The following RTN4RL1 variants were observed in gnomAD, a reference collection of about 807,000 sequenced individuals.
RTN4RL1 encodes reticulon 4 receptor like 1.
In RTN4RL1, 7 loss-of-function variants were observed where a neutral mutation model predicts 25.6. The observed-to-expected ratio is 0.27, with a 90% CI of 0.16 to 0.51. The LOEUF is 0.51. Among genes scored for constraint, RTN4RL1 ranks in the 20% least tolerant of loss-of-function variants. The pLI, the probability that RTN4RL1 is intolerant of heterozygous loss-of-function variation, is 0.97. For missense variants in RTN4RL1, 500 were observed against 615.6 expected, an observed-to-expected ratio of 0.81 and a Z score of 1.99; for synonymous variants, 297 against 288.2, an observed-to-expected ratio of 1.03 and a Z score of -0.31.
chr17:2,024,859 G>A lies in RTN4RL1; in HGVS notation c.7C>T (p.Arg3Cys), dbSNP rs1394502457. MLRKGCCVELLLL... is the reference protein window; with the variant it reads MLCKGCCVELLLL... The stretch of plus-strand genomic sequence containing the variant: ...CCCTGCGGCTCCAACTCACCTTTGC[G>A]AAGCATGTTGGCCACGGGGCCGCCG... The change falls in exon 1 of 2, where the codon CGC (arginine) becomes TGC (cysteine). Residue 3 changes from arginine (R) to cysteine (C), a missense_variant. Coordinates refer to ENST00000331238, the MANE Select transcript of RTN4RL1 (RefSeq NM_178568.4). The A allele has an allele frequency of 1.3e-6, 2 of 1,584,744 alleles. No homozygotes were observed. Among genetic ancestry groups the A allele is most frequent in the Non-Finnish European group, 1.7e-6 (2 of 1,166,530 alleles).
chr17:1,945,269 CTGG>C (rs1915513390), intron 1 of RTN4RL1, among the ~76,000 whole-genome samples: 4 of 152,270 alleles, frequency 2.6e-5, no homozygotes, highest in South Asian at 2.1e-4. Context: ...ATCACCCAGG[CTGG>C]AGTGCAGTGG....
chr17:2,015,345 A>T (rs2067106608), intron 1 of RTN4RL1, among the ~76,000 whole-genome samples: 1 of 152,170 alleles, frequency 6.6e-6, no homozygotes, highest in Non-Finnish European at 1.5e-5. Flanking sequence ...CAATGAGGGC[A>T]CTGGGGGTCG....
In RTN4RL1 at chr17:1,998,359, C is replaced by T. The variant is rs2066939608; in HGVS notation, c.13+26494G>A. 6.6e-6 allele frequency among the ~76,000 whole-genome samples: 1 copy of T among 152,110 alleles called. No homozygotes were observed. Among genetic ancestry groups the T allele is most frequent in the Non-Finnish European group, 1.5e-5 (1 of 68,000 alleles). The stretch of plus-strand genomic sequence containing the variant: ...CCGGGAGGGTCTTCTCGCTCTAGAG[C>T]CGGGGGCCCGCGCTGAGAGATCGGG... On this transcript the variant is annotated intron_variant, in intron 1 of 1. Coordinates refer to ENST00000331238, the MANE Select transcript of RTN4RL1 (RefSeq NM_178568.4). This position sits in a 1 kb window ranked among gnomAD's most constrained non-coding sequence, Gnocchi z 4.9.
intron 1 of RTN4RL1, among the ~76,000 whole-genome samples, chr17:1,942,402 T>TG (rs1331877688): frequency 6.7e-6 from 1 of 148,832 alleles, no homozygotes; most frequent in Non-Finnish European, 1.5e-5. Context: ...CACTAGCAGA[T>TG]GGGGGGGCTC....
In RTN4RL1 at chr17:1,937,319, A is replaced by G. The variant is rs756897330; in HGVS notation, c.503T>C (p.Ile168Thr). 6.2e-7 allele frequency: 1 copy of G among 1,613,526 alleles called. No homozygotes were observed. Among genetic ancestry groups the G allele is most frequent in the Admixed American group, 1.7e-5 (1 of 60,026 alleles). Residue 168 changes from isoleucine to threonine, a missense_variant, in exon 2 of 2, where the codon ATC (isoleucine) becomes ACC (threonine). This residue lies in a region of RTN4RL1 where 232 missense variants were observed against 341.1 expected (regional missense o/e 0.68). Transcript: ENST00000331238. Reference protein sequence around the residue: ...DNHIEYLQDDIFVDLVNLSHL... With the variant: ...DNHIEYLQDDTFVDLVNLSHL... ...GCTGAGGTTGACCAGGTCCACGAAG[A>G]TGTCGTCCTGGAGGTACTCGATGTG... is the stretch of plus-strand genomic sequence containing the variant.
intron 1 of RTN4RL1, among the ~76,000 whole-genome samples, chr17:2,008,824 A>G (rs1334359841): frequency 6.6e-6 from 1 of 151,938 alleles, no homozygotes; most frequent in Non-Finnish European, 1.5e-5. Flanking sequence ...TGCACCTGGG[A>G]GCAGGTACCT....
At chr17:1,993,462 C>A (rs2066918027) in intron 1 of RTN4RL1, among the ~76,000 whole-genome samples, 1 of 152,134 alleles carries the variant, frequency 6.6e-6, no homozygotes, top group Admixed American at 6.6e-5. Flanking sequence ...GTGAAATGGG[C>A]TAAGCACTTG....
chr17:1,938,749 C>T (rs1222203084), intron 1 of RTN4RL1, among the ~76,000 whole-genome samples: 2 of 151,610 alleles, frequency 1.3e-5, no homozygotes, highest in Non-Finnish European at 2.9e-5. Flanking sequence ...TCAGTTTCCT[C>T]ATTTCTGAAA....
intron 1 of RTN4RL1, among the ~76,000 whole-genome samples, chr17:1,954,361 C>CCCTT (rs1915744919): frequency 6.6e-6 from 1 of 151,326 alleles, no homozygotes; most frequent in South Asian, 2.1e-4. Context: ...CCTTTCCCTT[C>CCCTT]CCTTCCTTCC....
At chr17:2,021,914 A>G (rs2067211715) in intron 1 of RTN4RL1, among the ~76,000 whole-genome samples, 1 of 137,946 alleles carries the variant, frequency 7.2e-6, no homozygotes, top group Non-Finnish European at 1.5e-5. Context: ...GCTGGAGGGC[A>G]GTTGTACAAT....
chr17:1,960,998 A>T (rs1458074667), intron 1 of RTN4RL1, among the ~76,000 whole-genome samples: 1 of 152,080 alleles, frequency 6.6e-6, no homozygotes, highest in Non-Finnish European at 1.5e-5. Context: ...TTTCCCTTTC[A>T]GCACCTAACA....
intron 1 of RTN4RL1, among the ~76,000 whole-genome samples, chr17:1,984,505 A>G (rs904670658): frequency 1.3e-5 from 2 of 152,192 alleles, no homozygotes; most frequent in Admixed American, 6.5e-5. Flanking sequence ...CTGGGATTCC[A>G]GCCAGGAGCC....
chr17:1,939,396 T>TC (rs900531110), intron 1 of RTN4RL1, among the ~76,000 whole-genome samples: 3 of 144,602 alleles, frequency 2.1e-5, no homozygotes, highest in Non-Finnish European at 3.0e-5. Context: ...ATAAATAAAA[T>TC]ACAGACAATA....
At chr17:1,956,011 C>T (rs1268393399) in intron 1 of RTN4RL1, among the ~76,000 whole-genome samples, 1 of 151,864 alleles carries the variant, frequency 6.6e-6, no homozygotes, top group Non-Finnish European at 1.5e-5. Flanking sequence ...TCAATACTTC[C>T]CTTTTTATAT....
chr17:1,952,878 A>G (rs59535300), intron 1 of RTN4RL1, among the ~76,000 whole-genome samples: 14,118 of 148,602 alleles, frequency 0.095, 809 homozygotes, highest in Admixed American at 0.2. Flanking sequence ...GGAGTTCAAG[A>G]CCAGCCTGGT....
chr17:2,005,520 A>T (rs2066986773), intron 1 of RTN4RL1, among the ~76,000 whole-genome samples: 2 of 152,166 alleles, frequency 1.3e-5, no homozygotes, highest in Admixed American at 1.3e-4. Context: ...CTTTCCTCTG[A>T]TGAGGAGGAA....
chr17:1,995,851 A>T (rs2066927252), intron 1 of RTN4RL1: 1 of 152,250 alleles, frequency 6.6e-6, no homozygotes, highest in Non-Finnish European at 1.5e-5. Flanking sequence ...AAGGCATATT[A>T]ACCCAAATTT....
chr17:1,947,245 C>T (rs868779804), intron 1 of RTN4RL1, among the ~76,000 whole-genome samples: 10 of 152,194 alleles, frequency 6.6e-5, no homozygotes, highest in Non-Finnish European at 8.8e-5. Flanking sequence ...TGTACCTGGG[C>T]GGGCCTGTGT....
At chr17:1,990,426 T>G (rs2151319016) in intron 1 of RTN4RL1, among the ~76,000 whole-genome samples, 1 of 152,218 alleles carries the variant, frequency 6.6e-6, no homozygotes, top group Admixed American at 6.5e-5. Flanking sequence ...CCGGGCATGG[T>G]GGCTCACATC....
Sources: allele counts gnomAD v4.1 joint callset (sites outside exome capture counted in the v4.1 genomes callset), GRCh38; gene constraint gnomAD v4.1.1; regional missense constraint gnomAD v4.1.1; non-coding constraint Gnocchi (gnomAD v3.1); transcripts MANE v1.5; gene names NCBI Gene and HGNC (gene_info 2026-07-23, HGNC 2026-07-21).